Variants in RETREG1 observed in about 807,000 individuals in gnomAD.
RETREG1 encodes family with sequence similarity 134 member B.
A neutral mutation model predicts 54.8 loss-of-function variants in RETREG1; 44 were observed. That is an observed-to-expected ratio of 0.80 (90% CI 0.63 to 1.03). The LOEUF is 1.03. Ranked by LOEUF, RETREG1 falls within the 50% of genes least tolerant of loss-of-function variation. The probability of loss-of-function intolerance (pLI) is 0.00; values close to 1 mark genes in which losing one functional copy is unlikely to be tolerated. For synonymous variants in RETREG1, 217 were observed against 238.5 expected, an observed-to-expected ratio of 0.91 and a Z score of 0.83; for missense variants, 554 against 605.1, an observed-to-expected ratio of 0.92 and a Z score of 0.89.
At chr5:16,509,980 C>A (rs1208626645) in intron 3 of RETREG1, among the ~76,000 whole-genome samples, 1 of 152,042 alleles carries the variant, frequency 6.6e-6, no homozygotes, top group Non-Finnish European at 1.5e-5. Flanking sequence ...GGTGACAGAG[C>A]AAGACCCTGT....
intron 1 of RETREG1, chr5:16,616,399 G>A: frequency 1.8e-6 from 1 of 567,976 alleles, no homozygotes; most frequent in Non-Finnish European, 2.9e-6. Context: ...GTGCCTGAGG[G>A]TCGGCCGACC....
intron 3 of RETREG1, among the ~76,000 whole-genome samples, chr5:16,505,098 T>C (rs2126558022): frequency 6.6e-6 from 1 of 152,344 alleles, no homozygotes; most frequent in East Asian, 1.9e-4. Flanking sequence ...ACAATCACCT[T>C]CGTGCATCCG....
At chr5:16,510,721 C>T (rs778734630) in intron 3 of RETREG1, among the ~76,000 whole-genome samples, 10 of 144,826 alleles carry the variant, frequency 6.9e-5, no homozygotes, top group African/African-American at 1.3e-4. Flanking sequence ...GCCTGGGAGG[C>T]GGAGGTTGCT....
At chr5:16,520,218 C>A (rs894020395) in intron 3 of RETREG1, among the ~76,000 whole-genome samples, 1 of 152,202 alleles carries the variant, frequency 6.6e-6, no homozygotes, top group Non-Finnish European at 1.5e-5. Flanking sequence ...TCAGAGCCTG[C>A]AAGGGTGGTG....
chr5:16,484,465 C>T lies in RETREG1; in HGVS notation c.459-993G>A, dbSNP rs200689374. On this transcript the variant is annotated intron_variant, in intron 3 of 8. Coordinates refer to ENST00000306320, the MANE Select transcript of RETREG1 (RefSeq NM_001034850.3). Reference sequence around the variant, plus strand: ...GCTATGGATATGGCAATAACAAAAGCAGCAAAGTTTCTAGAAGAAGACTAG... The same window carrying T: ...GCTATGGATATGGCAATAACAAAAGTAGCAAAGTTTCTAGAAGAAGACTAG... Among the ~76,000 whole-genome samples the T allele has an allele frequency of 2.0e-5, 3 of 152,068 alleles. No individual in the cohort carries two copies. The East Asian group carries it at 5.8e-4, about 29-fold the overall frequency.
intron 3 of RETREG1, among the ~76,000 whole-genome samples, chr5:16,488,353 C>A (rs948311263): frequency 6.6e-6 from 1 of 152,212 alleles, no homozygotes; most frequent in Non-Finnish European, 1.5e-5. Flanking sequence ...TCACCCAGCT[C>A]GCTGCCTTGA....
At chr5:16,547,594 G>A (rs376379207) in intron 3 of RETREG1, among the ~76,000 whole-genome samples, 3 of 152,138 alleles carry the variant, frequency 2.0e-5, no homozygotes, top group South Asian at 2.1e-4. Context: ...AGAAACAGGC[G>A]TGAGACTTTG....
chr5:16,482,585 G>A (rs1287912621), intron 4 of RETREG1, among the ~76,000 whole-genome samples: 1 of 151,938 alleles, frequency 6.6e-6, no homozygotes, highest in Non-Finnish European at 1.5e-5. Flanking sequence ...CCTATACAAG[G>A]TACAAAGACA....
At chr5:16,506,581 C>T (rs1739966397) in intron 3 of RETREG1, among the ~76,000 whole-genome samples, 1 of 151,812 alleles carries the variant, frequency 6.6e-6, no homozygotes, top group Non-Finnish European at 1.5e-5. Context: ...TCAGGTGATC[C>T]ACCTCAGCAC....
rs999458599 is a variant in RETREG1, at chr5:16,500,241, A to G, written c.459-16769T>C. Among the ~76,000 whole-genome samples the G allele has an allele frequency of 2.0e-5, 3 of 152,342 alleles. No homozygotes were observed. The South Asian group carries it at 6.2e-4, about 32-fold the overall frequency. ...ACCACCGTTGCCCAACTTCTGCCTC[A>G]GGATGCTTTGTGACCTAGATGAATT... On this transcript the variant is annotated intron_variant, in intron 3 of 8. Coordinates refer to ENST00000306320, the MANE Select transcript of RETREG1 (RefSeq NM_001034850.3).
intron 3 of RETREG1, among the ~76,000 whole-genome samples, chr5:16,524,407 A>C (rs1740634195): frequency 6.6e-6 from 1 of 152,118 alleles, no homozygotes; most frequent in Non-Finnish European, 1.5e-5. Flanking sequence ...ACTAGTCCTT[A>C]CCTTTCATGT....
chr5:16,565,671 C>T lies in RETREG1; in HGVS notation c.458+92G>A. On this transcript the variant is annotated intron_variant, in intron 3 of 8. Transcript: ENST00000306320. ...TACTCTTGGATTTAGATTCCTGTCACTAAAATTCTATTTCAGAGCTACATC... is the reference window on the plus strand; with the variant it reads ...TACTCTTGGATTTAGATTCCTGTCATTAAAATTCTATTTCAGAGCTACATC... 2.2e-6 allele frequency: 3 copies of T among 1,362,498 alleles called. No individual in the cohort carries two copies. In the South Asian group the frequency reaches 3.6e-5, roughly 16 times the overall value. 84.4% of individuals were successfully genotyped at this position (1,362,498 alleles called of 1,614,324 possible).
chr5:16,615,935 G>C (rs139417889), intron 1 of RETREG1: 11 of 152,334 alleles, frequency 7.2e-5, no homozygotes, highest in African/African-American at 2.4e-4. Context: ...CACTTTCAAC[G>C]AAGGAGACAG....
At chr5:16,515,727 T>C (rs1204757318) in intron 3 of RETREG1, among the ~76,000 whole-genome samples, 1 of 152,152 alleles carries the variant, frequency 6.6e-6, no homozygotes, top group Admixed American at 6.5e-5. Flanking sequence ...TCAAATCCTC[T>C]TCACTATTAC....
At chr5:16,577,601 T>TC (rs1420530405) in intron 1 of RETREG1, among the ~76,000 whole-genome samples, 5 of 152,158 alleles carry the variant, frequency 3.3e-5, no homozygotes, top group African/African-American at 1.2e-4. Flanking sequence ...ACCGGTTTTT[T>TC]CAAGATAGTG....
chr5:16,500,665 G>A (rs1290822906), intron 3 of RETREG1, among the ~76,000 whole-genome samples: 5 of 152,152 alleles, frequency 3.3e-5, no homozygotes, highest in Non-Finnish European at 5.9e-5. Context: ...TTCTCCGTGT[G>A]GGTACTCATC....
At chr5:16,515,479 C>T (rs186916798) in intron 3 of RETREG1, among the ~76,000 whole-genome samples, 57 of 152,190 alleles carry the variant, frequency 3.7e-4, no homozygotes, top group African/African-American at 1.2e-3. Flanking sequence ...ATACGTTTCA[C>T]ATTATAGAAC....
At chr5:16,592,936 A>G (rs1031391713) in intron 1 of RETREG1, among the ~76,000 whole-genome samples, 4 of 152,244 alleles carry the variant, frequency 2.6e-5, no homozygotes, top group East Asian at 1.9e-4. Context: ...AAAAATAACT[A>G]TTGGGTACTA....
rs929652606 is a variant in RETREG1 at position 16,546,173 on chromosome 5, CT to C, written c.458+19589del. 1.4e-3 allele frequency among the ~76,000 whole-genome samples: 215 copies of C among 150,690 alleles called. 1 individual carries two copies. Among genetic ancestry groups the C allele is most frequent in the African/African-American group, 5.0e-3 (205 of 41,104 alleles). ...CTGCACAAATCTTGAAATTTTATAT[CT>C]TTTTTTTTTCTTACACAGGGTCTGT... On this transcript the variant is annotated intron_variant, in intron 3 of 8. Transcript: ENST00000306320.
Sources: gnomAD v4.1 joint callset for allele counts (sites outside exome capture counted in the v4.1 genomes callset) on GRCh38, gnomAD v4.1.1 for gene constraint, MANE v1.5 for transcripts, NCBI Gene and HGNC (gene_info 2026-07-23, HGNC 2026-07-21) for gene names.